Variants in SLC35E4 observed in about 807,000 individuals in gnomAD.
SLC35E4 encodes the protein solute carrier family 35, member E4.
SLC35E4 carries 15 observed loss-of-function variants against 19.3 expected under a neutral mutation model. That is an observed-to-expected ratio of 0.78 (90% CI 0.52 to 1.20). The LOEUF is 1.20. Among genes scored for constraint, SLC35E4 ranks in the 50% most tolerant of loss-of-function variants. SLC35E4 has a pLI of 0.00. For missense variants in SLC35E4, 406 were observed against 472.3 expected, an observed-to-expected ratio of 0.86 and a Z score of 1.30; for synonymous variants, 219 against 219.9, an observed-to-expected ratio of 1.00 and a Z score of 0.04.
chr22:30,665,469 T>G (rs779851638), downstream of SLC35E4: 1 of 467,622 alleles, frequency 2.1e-6, no homozygotes, highest in South Asian at 1.6e-5. Flanking sequence ...GATCTCTCAG[T>G]CTCTTTCCTT....
In SLC35E4 at chr22:30,645,793, C is replaced by T. The variant is rs941445327; in HGVS notation, c.620-805C>T. On this transcript the variant is annotated intron_variant, in intron 1 of 1. Coordinates refer to ENST00000343605, the MANE Select transcript of SLC35E4 (RefSeq NM_001001479.4). ...TCAGCCTCTCAAAGTGCTGGGATTA[C>T]AGGCATAAGCCACTGTACCTGACCG... Among the ~76,000 whole-genome samples, 248 of 150,242 alleles carry T rather than the reference C, an allele frequency of 1.7e-3. 1 individual carries two copies. Among genetic ancestry groups the T allele is most frequent in the Non-Finnish European group, 3.1e-3 (211 of 67,672 alleles).
In SLC35E4 at chr22:30,646,629, G is replaced by A. The variant is rs148808100; in HGVS notation, c.651G>A (p.Ala217=). 4,561 of 1,608,644 alleles carry A rather than the reference G, an allele frequency of 2.8e-3. 13 individuals carry two copies. The highest frequency in any genetic ancestry group is 3.4e-3 in the Non-Finnish European group (3,989 of 1,177,018). The change falls in exon 2 of 2, where the codon GCG becomes GCA. Residue 217 remains alanine (A), a synonymous_variant. Coordinates refer to ENST00000343605, the MANE Select transcript of SLC35E4 (RefSeq NM_001001479.4). ...SALLQEERLD[A]VTLLYATSLP... ...TGCTGCAGGAGGAGAGGCTGGACGC[G>A]GTGACCCTGCTTTACGCCACCTCGC...
downstream of SLC35E4, chr22:30,652,293 A>T (rs1231141346): frequency 6.6e-6 from 1 of 152,226 alleles, no homozygotes; most frequent in East Asian, 1.9e-4. Flanking sequence ...CATCAAGGGC[A>T]GGGGCTGCAA....
At chr22:30,656,611 A>G (rs950125754) in intron 2 of SLC35E4, among the ~76,000 whole-genome samples, 3 of 152,152 alleles carry the variant, frequency 2.0e-5, no homozygotes, top group African/African-American at 7.2e-5. Flanking sequence ...TTTCTCCCCT[A>G]CTATAGGACT....
chr22:30,667,990 C>T (rs1164938352), downstream of SLC35E4: 2 of 153,632 alleles, frequency 1.3e-5, no homozygotes, highest in Non-Finnish European at 2.9e-5. Flanking sequence ...TGCGCGCGTC[C>T]AACGAGCACG....
At chr22:30,664,364 G>A (rs41282551), downstream of SLC35E4, among the ~76,000 whole-genome samples, 48 of 152,296 alleles carry the variant, frequency 3.2e-4, no homozygotes, top group Middle Eastern at 3.4e-3. Flanking sequence ...CCCCAAGTCT[G>A]GCACTTGAGG....
downstream of SLC35E4, among the ~76,000 whole-genome samples, chr22:30,651,399 GTATATATATATATATA>G (rs1427700463): frequency 3.3e-5 from 2 of 61,374 alleles, no homozygotes; most frequent in Admixed American, 2.5e-4. Context: ...GTGTGTGTGT[GTATATATATATATATA>G]TATATATATA....
chr22:30,636,515 C>A lies in SLC35E4; in HGVS notation c.65C>A (p.Ala22Asp). The A allele has an allele frequency of 6.5e-7, 1 of 1,547,294 alleles. No homozygotes were observed. The highest frequency in any genetic ancestry group is 8.7e-7 in the Non-Finnish European group (1 of 1,144,404). The change falls in exon 1 of 2, where the codon GCT (alanine) becomes GAT (aspartate). Residue 22 changes from alanine to aspartate, a missense_variant. Transcript: ENST00000343605. Reference sequence around the variant, plus strand: ...ACCTCAGCCGAAGTAGGAGCAGCAGCTGGTGGTGCTCAGGCGGCTGGGCCC... The same window carrying A: ...ACCTCAGCCGAAGTAGGAGCAGCAGATGGTGGTGCTCAGGCGGCTGGGCCC... The part of the protein sequence containing the change: ...RMTSAEVGAA[A>D]GGAQAAGPPE...
chr22:30,656,396 G>A (rs746047605), intron 2 of SLC35E4, among the ~76,000 whole-genome samples: 6 of 152,246 alleles, frequency 3.9e-5, no homozygotes, highest in East Asian at 1.9e-4. Flanking sequence ...AGATCATTCC[G>A]AGAAATCCTC....
downstream of SLC35E4, among the ~76,000 whole-genome samples, chr22:30,664,582 T>C (rs1162832075): frequency 6.6e-6 from 1 of 152,240 alleles, no homozygotes; most frequent in African/African-American, 2.4e-5. Flanking sequence ...CATAAGGTCC[T>C]GAGCCAGTGG....
At chr22:30,655,051 C>G (rs1418857586) in intron 2 of SLC35E4, among the ~76,000 whole-genome samples, 1 of 152,112 alleles carries the variant, frequency 6.6e-6, no homozygotes, top group Non-Finnish European at 1.5e-5. Flanking sequence ...CTCCTAATTC[C>G]TGGGGTTCTG....
In SLC35E4 at chr22:30,646,755, G is replaced by A. The variant is rs2088138474; in HGVS notation, c.777G>A (p.Leu259=). Residue 259 remains leucine (L), a synonymous_variant, in exon 2 of 2, where the codon CTG becomes CTA. Transcript: ENST00000343605. ...ACTCTCGCCTCTGGGCCTGCATCCT[G>A]CTCAGCTGCCTCCTGTCTGTTCTCT... The part of the protein sequence containing the change: ...AGDSRLWACI[L]LSCLLSVLYN... 2 of 1,613,852 alleles carry A rather than the reference G, an allele frequency of 1.2e-6. No homozygotes were observed. The highest frequency in any genetic ancestry group is 1.1e-5 in the South Asian group (1 of 91,084).
rs1448296322 is a variant in SLC35E4, at chr22:30,637,085, G to C, written c.619+16G>C. ...GTTCAGCAAAGTAAGTGCCTGGGTGGCCAATTGAGAAGGTGGGGGTCCGGG... is the reference window on the plus strand; with the variant it reads ...GTTCAGCAAAGTAAGTGCCTGGGTGCCCAATTGAGAAGGTGGGGGTCCGGG... On this transcript the variant is annotated intron_variant, in intron 1 of 1. Transcript: ENST00000343605. The C allele has an allele frequency of 2.6e-6, 4 of 1,545,244 alleles. No homozygotes were observed. The highest frequency in any genetic ancestry group is 2.6e-6 in the Non-Finnish European group (3 of 1,141,846).
At chr22:30,637,210 G>A in intron 1 of SLC35E4, 141 bp downstream of exon 1, 1 of 1,277,180 alleles carries the variant, frequency 7.8e-7, no homozygotes, top group Non-Finnish European at 1.1e-6. Context: ...GCAGAACTGA[G>A]GCTCAGAGAG....
chr22:30,657,600 A>T (rs539675053), intron 2 of SLC35E4, among the ~76,000 whole-genome samples: 18 of 151,992 alleles, frequency 1.2e-4, no homozygotes, highest in East Asian at 1.9e-4. Flanking sequence ...CTCTAAAAAA[A>T]TTTTTTAAAG....
At chr22:30,653,074 C>G (rs1221640042) in intron 2 of SLC35E4, among the ~76,000 whole-genome samples, 1 of 152,180 alleles carries the variant, frequency 6.6e-6, no homozygotes. Flanking sequence ...CCTCTGCATC[C>G]TCCCTAACCA....
intron 2 of SLC35E4, among the ~76,000 whole-genome samples, chr22:30,657,445 C>T (rs2088362804): frequency 1.5e-5 from 2 of 133,274 alleles, no homozygotes; most frequent in Admixed American, 1.6e-4. Flanking sequence ...GGTGACAGAG[C>T]AAGACTCTGT....
At chr22:30,650,042 T>A (rs1459636322), downstream of SLC35E4, among the ~76,000 whole-genome samples, 1 of 149,180 alleles carries the variant, frequency 6.7e-6, no homozygotes, top group African/African-American at 2.5e-5. Context: ...GTCAAAAAGC[T>A]TGGGTTTGGT....
downstream of SLC35E4, among the ~76,000 whole-genome samples, chr22:30,664,462 C>T (rs2088581147): frequency 1.3e-5 from 2 of 152,240 alleles, no homozygotes; most frequent in African/African-American, 4.8e-5. Flanking sequence ...TTTAAGCTCA[C>T]AGAGCCCTTT....
Sources: gnomAD v4.1 joint callset for allele counts (sites outside exome capture counted in the v4.1 genomes callset) on GRCh38, gnomAD v4.1.1 for gene constraint, MANE v1.5 for transcripts, NCBI Gene and HGNC (gene_info 2026-07-23, HGNC 2026-07-21) for gene names.